The following MYO3B variants were observed in gnomAD, a reference collection of about 807,000 sequenced individuals.
The protein encoded by MYO3B is myosin-IIIb.
MYO3B carries 156 observed loss-of-function variants against 174.6 expected under a neutral mutation model. That is an observed-to-expected ratio of 0.89 (90% confidence interval 0.78 to 1.02). MYO3B has a LOEUF of 1.02. Ranked by LOEUF, MYO3B falls within the 50% of genes least tolerant of loss-of-function variation. The pLI, the probability that MYO3B is intolerant of heterozygous loss-of-function variation, is 0.00. For synonymous variants in MYO3B, 563 were observed against 569.1 expected (o/e 0.99, Z 0.15); for missense variants, 1,632 against 1,639.4 (o/e 1.00, Z 0.08).
chr2:170,200,103 C>A, intron 2 of MYO3B, 47 bp from the exon 3 acceptor site: 2 of 1,584,302 alleles, frequency 1.3e-6, no homozygotes, highest in Admixed American at 3.4e-5. Flanking sequence ...TGTACCCTTC[C>A]TTACACATTA....
intron 25 of MYO3B, among the ~76,000 whole-genome samples, chr2:170,479,877 A>T (rs913939258): frequency 1.7e-4 from 26 of 148,680 alleles, no homozygotes; most frequent in African/African-American, 6.4e-4. Flanking sequence ...GTGTATATAT[A>T]TGCACACATA....
rs76320491 is a variant in MYO3B at position 170,501,256 on chromosome 2, C to G, written c.3290-529C>G. On this transcript the variant is annotated intron_variant, in intron 27 of 34. Transcript: ENST00000408978. Reference sequence around the variant, plus strand: ...ACATCTTTCCTCTCCCTCAGCATACCTCTCGGCACAGAATTCACTCACAGC... The same window carrying G: ...ACATCTTTCCTCTCCCTCAGCATACGTCTCGGCACAGAATTCACTCACAGC... Among the ~76,000 whole-genome samples the G allele has an allele frequency of 6.3e-3, 957 of 152,268 alleles. 13 individuals are homozygous for G. Among genetic ancestry groups the G allele is most frequent in the African/African-American group, 0.022 (894 of 41,550 alleles).
At chr2:170,445,483 A>G (rs1300193347) in intron 23 of MYO3B, among the ~76,000 whole-genome samples, 4 of 152,150 alleles carry the variant, frequency 2.6e-5, no homozygotes, top group African/African-American at 9.7e-5. Flanking sequence ...CTGGGATTAC[A>G]GGCATGCACC....
At chr2:170,555,201 C>T (rs1691201304) in intron 32 of MYO3B, among the ~76,000 whole-genome samples, 1 of 152,172 alleles carries the variant, frequency 6.6e-6, no homozygotes, top group Admixed American at 6.5e-5. Context: ...CTCCTTTTCT[C>T]CCTGTTTCTT....
intron 17 of MYO3B, 74 bp downstream of exon 17, chr2:170,400,388 A>T: frequency 7.0e-7 from 1 of 1,418,968 alleles, no homozygotes; most frequent in East Asian, 2.4e-5. Flanking sequence ...AATATAATGC[A>T]GCATTTGCTG....
intron 25 of MYO3B, among the ~76,000 whole-genome samples, chr2:170,476,852 A>AT (rs1387843290): frequency 6.6e-6 from 1 of 152,044 alleles, no homozygotes; most frequent in Non-Finnish European, 1.5e-5. Flanking sequence ...TCTTCTGTTC[A>AT]TATCACTTTC....
Position 170,405,622 on chromosome 2 carries a change from T to C in MYO3B, c.2509T>C (p.Tyr837His). The C allele has an allele frequency of 6.2e-7, 1 of 1,614,190 alleles. No individual in the cohort carries two copies. The highest frequency in any genetic ancestry group is 8.5e-7 in the Non-Finnish European group (1 of 1,180,004). The change falls in exon 21 of 35, where the codon TAT (tyrosine) becomes CAT (histidine). Residue 837 changes from tyrosine (Y) to histidine (H), a missense_variant. Physicochemically the swap from Tyr to His is moderately conservative, Grantham distance 83. Transcript: ENST00000408978. The stretch of plus-strand genomic sequence containing the variant: ...GGAACTGTGCTTTGGCATTCAGCAT[T>C]ATGCTGGAAAGGTGAGGCCAGTGTG... ...GVELCFGIQH[Y>H]AGKVLYDASG... is the part of the protein sequence containing the mutation.
intron 5 of MYO3B, among the ~76,000 whole-genome samples, chr2:170,216,059 T>C (rs1401220993): frequency 6.6e-6 from 1 of 152,166 alleles, no homozygotes; most frequent in African/African-American, 2.4e-5. Flanking sequence ...CTTGGTAAAA[T>C]GGGAAATTAT....
chr2:170,193,223 T>C (rs1358200465), intron 1 of MYO3B, among the ~76,000 whole-genome samples: 1 of 152,040 alleles, frequency 6.6e-6, no homozygotes, highest in Non-Finnish European at 1.5e-5. Flanking sequence ...ATTTAAAGTC[T>C]GCCCATTCTA....
intron 32 of MYO3B, among the ~76,000 whole-genome samples, chr2:170,630,848 G>C (rs1173981763): frequency 6.6e-6 from 1 of 152,156 alleles, no homozygotes; most frequent in African/African-American, 2.4e-5. Flanking sequence ...CAAACACAAA[G>C]GAGTAGCATC....
intron 7 of MYO3B, among the ~76,000 whole-genome samples, chr2:170,274,975 C>G (rs1418806893): frequency 6.6e-6 from 1 of 152,010 alleles, no homozygotes; most frequent in African/African-American, 2.4e-5. Context: ...TTTTGACTTG[C>G]TTGACATTAT....
At chr2:170,307,617 AG>A (rs1375997029) in intron 7 of MYO3B, among the ~76,000 whole-genome samples, 1 of 152,192 alleles carries the variant, frequency 6.6e-6, no homozygotes, top group Non-Finnish European at 1.5e-5. Flanking sequence ...GGCTCTGCCC[AG>A]GAAGTTTCTT....
chr2:170,467,625 G>GAA (rs369540298), intron 25 of MYO3B, among the ~76,000 whole-genome samples: 1 of 148,200 alleles, frequency 6.7e-6, no homozygotes. Context: ...AGGCAATCAA[G>GAA]AAAAAAAAAA....
intron 7 of MYO3B, among the ~76,000 whole-genome samples, chr2:170,283,437 T>G: frequency 6.6e-6 from 1 of 152,198 alleles, no homozygotes; most frequent in East Asian, 1.9e-4. Flanking sequence ...ACTATCTACT[T>G]GCTATTTTTG....
intron 1 of MYO3B, among the ~76,000 whole-genome samples, chr2:170,179,229 G>A (rs188843207): frequency 4.6e-4 from 70 of 152,270 alleles, no homozygotes; most frequent in African/African-American, 1.5e-3. Context: ...TTAAAGAAAG[G>A]AAAAGAGTAC....
At chr2:170,413,933 G>C (rs1471063435) in intron 22 of MYO3B, among the ~76,000 whole-genome samples, 1 of 151,916 alleles carries the variant, frequency 6.6e-6, no homozygotes, top group Non-Finnish European at 1.5e-5. Context: ...CCAGCTACTT[G>C]GGAGGCTGAG....
intron 28 of MYO3B, among the ~76,000 whole-genome samples, chr2:170,508,616 C>A (rs927600112): frequency 2.0e-5 from 3 of 152,226 alleles, no homozygotes; most frequent in Non-Finnish European, 1.5e-5. Context: ...TCAGAGCCCT[C>A]TTCAGAGCCT....
At chr2:170,347,746 T>C (rs2094027978) in intron 8 of MYO3B, among the ~76,000 whole-genome samples, 1 of 152,232 alleles carries the variant, frequency 6.6e-6, no homozygotes, top group African/African-American at 2.4e-5. Context: ...ATATGTGTGT[T>C]TGAGGTAAAA....
At chr2:170,298,947 C>T (rs1212366907) in intron 7 of MYO3B, among the ~76,000 whole-genome samples, 1 of 152,008 alleles carries the variant, frequency 6.6e-6, no homozygotes, top group Non-Finnish European at 1.5e-5. Flanking sequence ...AGTAGAGTAA[C>T]ATGCTTTACA....
Sources: allele counts gnomAD v4.1 joint callset (sites outside exome capture counted in the v4.1 genomes callset), GRCh38; gene constraint gnomAD v4.1.1; transcripts MANE v1.5; gene names NCBI Gene and HGNC (gene_info 2026-07-23, HGNC 2026-07-21).